NSMAF: variants seen among roughly 807,000 people sequenced by gnomAD.
NSMAF encodes the protein protein FAN.
Under a neutral mutation model 134.9 loss-of-function variants are expected in NSMAF, and 90 were observed. The observed-to-expected ratio is 0.67, with a 90% CI of 0.56 to 0.79. The LOEUF (loss-of-function observed/expected upper bound fraction) is 0.79. Among genes scored for constraint, NSMAF ranks in the 30% least tolerant of loss-of-function variants. NSMAF has a pLI of 0.00. For missense variants in NSMAF, 1,010 were observed against 1,119.0 expected, an observed-to-expected ratio of 0.90 and a Z score of 1.39; for synonymous variants, 358 against 389.6, an observed-to-expected ratio of 0.92 and a Z score of 0.96.
chr8:58,636,607 T>C (rs995370128), intron 2 of NSMAF, among the ~76,000 whole-genome samples: 2 of 152,224 alleles, frequency 1.3e-5, no homozygotes, highest in African/African-American at 2.4e-5. Flanking sequence ...AAGAGCCAGA[T>C]AGTAAATATC....
chr8:58,626,091 C>CGTT (rs1563537415), intron 6 of NSMAF, among the ~76,000 whole-genome samples: 8 of 99,390 alleles, frequency 8.0e-5, no homozygotes, highest in Admixed American at 3.4e-4. Flanking sequence ...TTATATAATT[C>CGTT]TTTTTTTTTT....
Position 58,635,210 on chromosome 8 carries a change from A to G in NSMAF, c.312T>C (p.Gly104=), listed in dbSNP as rs866734424. The G allele has an allele frequency of 1.2e-6, 2 of 1,611,398 alleles. No individual in the cohort carries two copies. The highest frequency in any genetic ancestry group is 1.7e-6 in the Non-Finnish European group (2 of 1,177,976). ...NRHFTKAKSG[G]ISLIFSQVYF... ...TTACCTGACTGAAAATGAGTGAAATACCCCCAGATTTTGCCCTAAAATACA... is the reference window on the plus strand; with the variant it reads ...TTACCTGACTGAAAATGAGTGAAATGCCCCCAGATTTTGCCCTAAAATACA... Residue 104 remains glycine (G), a synonymous_variant, in exon 5 of 31, where the codon GGT becomes GGC. Coordinates refer to ENST00000038176, the MANE Select transcript of NSMAF (RefSeq NM_003580.4).
At chr8:58,633,821 G>C (rs1039955969) in intron 5 of NSMAF, among the ~76,000 whole-genome samples, 1 of 152,144 alleles carries the variant, frequency 6.6e-6, no homozygotes, top group African/African-American at 2.4e-5. Context: ...CTTGACACAG[G>C]AAGCTTTAAA....
chr8:58,632,261 C>T (rs1807071296), intron 5 of NSMAF, among the ~76,000 whole-genome samples: 1 of 152,174 alleles, frequency 6.6e-6, no homozygotes, highest in Admixed American at 6.5e-5. Context: ...CTTAATCTCA[C>T]ATCCTCCTTT....
intron 2 of NSMAF, among the ~76,000 whole-genome samples, chr8:58,636,347 G>C (rs191594411): frequency 4.3e-4 from 65 of 152,218 alleles, no homozygotes; most frequent in African/African-American, 1.4e-3. Flanking sequence ...CTCTTAATAA[G>C]TGACCAATCA....
At chr8:58,595,211 G>A (rs113738969) in intron 22 of NSMAF, among the ~76,000 whole-genome samples, 13 of 152,212 alleles carry the variant, frequency 8.5e-5, no homozygotes, top group Admixed American at 3.3e-4. Context: ...TCCAACACTC[G>A]TGGGGTATAC....
intron 1 of NSMAF, among the ~76,000 whole-genome samples, chr8:58,649,001 G>A (rs547056802): frequency 2.0e-5 from 3 of 152,334 alleles, no homozygotes; most frequent in East Asian, 3.9e-4. Flanking sequence ...CTCAACAATG[G>A]TAGAGCCATC....
At chr8:58,628,360 T>C (rs1043655189) in intron 6 of NSMAF, among the ~76,000 whole-genome samples, 1 of 152,222 alleles carries the variant, frequency 6.6e-6, no homozygotes, top group Non-Finnish European at 1.5e-5. Context: ...ATGGGTCTTA[T>C]ATAAAACATC....
At chr8:58,596,265 A>G (rs1412384606) in intron 21 of NSMAF, among the ~76,000 whole-genome samples, 1 of 152,230 alleles carries the variant, frequency 6.6e-6, no homozygotes, top group East Asian at 1.9e-4. Context: ...CCCCTGGGTC[A>G]TGTAACTCCA....
At chr8:58,657,499 G>A (rs969694756) in intron 1 of NSMAF, among the ~76,000 whole-genome samples, 1 of 152,170 alleles carries the variant, frequency 6.6e-6, no homozygotes, top group African/African-American at 2.4e-5. Flanking sequence ...GGATAAACCC[G>A]GAAAAATCTG....
intron 1 of NSMAF, chr8:58,659,104 G>C: frequency 3.3e-4 from 211 of 635,642 alleles, no homozygotes; most frequent in East Asian, 9.4e-4. Flanking sequence ...GGTGCCGCCC[G>C]GCGACCAACT....
chr8:58,618,049 A>G lies in NSMAF; in HGVS notation c.557+5171T>C, dbSNP rs562196124. Among the ~76,000 whole-genome samples, 3 of 152,286 alleles carry G rather than the reference A, an allele frequency of 2.0e-5. 1 individual carries two copies. In the South Asian group the frequency reaches 6.2e-4, roughly 32 times the overall value. On this transcript the variant is annotated intron_variant, in intron 9 of 30. Coordinates refer to ENST00000038176, the MANE Select transcript of NSMAF (RefSeq NM_003580.4). ...AGCTGGAAACCATCATTCTCAGCAAACTATCGCAAGGACAGCAAGCCAAAC... is the reference window on the plus strand; with the variant it reads ...AGCTGGAAACCATCATTCTCAGCAAGCTATCGCAAGGACAGCAAGCCAAAC...
intron 6 of NSMAF, among the ~76,000 whole-genome samples, chr8:58,631,145 T>C (rs1248865096): frequency 1.3e-5 from 2 of 152,158 alleles, no homozygotes; most frequent in Admixed American, 6.6e-5. Context: ...CCAGTAAATA[T>C]TTCTAGAATA....
At chr8:58,597,622 G>C in intron 20 of NSMAF, 72 bp from the exon 21 acceptor site, 1 of 1,405,494 alleles carries the variant, frequency 7.1e-7, no homozygotes, top group South Asian at 1.2e-5. Context: ...ATTTCAAATA[G>C]TACTGATCAA....
At position 58,599,215 on chromosome 8, in the gene NSMAF, C is replaced by T; in HGVS notation, c.1585+17G>A. 2 of 1,591,384 alleles carry T rather than the reference C, an allele frequency of 1.3e-6. No individual in the cohort carries two copies. The highest frequency in any genetic ancestry group is 1.4e-5 in the African/African-American group (1 of 73,976). On this transcript the variant is annotated intron_variant, in intron 19 of 30. Transcript: ENST00000038176. ...ATTCACCCAATGCTAAATAAAATTT[C>T]AATGAATATTACATACCATTATGGG...
At chr8:58,625,898 TTCC>T (rs1183203035) in intron 6 of NSMAF, among the ~76,000 whole-genome samples, 2 of 152,094 alleles carry the variant, frequency 1.3e-5, no homozygotes, top group African/African-American at 2.4e-5. Context: ...ATAGTTTGAT[TTCC>T]TCCTCATTTT....
intron 6 of NSMAF, among the ~76,000 whole-genome samples, chr8:58,624,817 T>G (rs1413507378): frequency 6.6e-6 from 1 of 152,202 alleles, no homozygotes; most frequent in Non-Finnish European, 1.5e-5. Context: ...TATCTGAACG[T>G]TCTACCCATT....
chr8:58,600,115 G>C, intron 16 of NSMAF, 94 bp from the exon 17 acceptor site: 1 of 860,250 alleles, frequency 1.2e-6, no homozygotes, highest in South Asian at 1.5e-5. Context: ...CACTTTACCT[G>C]TATTAACTTC....
chr8:58,655,906 A>AT (rs762575249), intron 1 of NSMAF, among the ~76,000 whole-genome samples: 23 of 148,200 alleles, frequency 1.6e-4, no homozygotes, highest in Admixed American at 2.7e-4. Flanking sequence ...CTCCGTCTCA[A>AT]TAAAAAAAAA....
Sources: gnomAD v4.1 joint callset for allele counts (sites outside exome capture counted in the v4.1 genomes callset) on GRCh38, gnomAD v4.1.1 for gene constraint, MANE v1.5 for transcripts, NCBI Gene and HGNC (gene_info 2026-07-23, HGNC 2026-07-21) for gene names.